Variants in FOXN3 observed in about 807,000 individuals in gnomAD.
FOXN3 encodes the protein forkhead box protein N3.
Under a neutral mutation model 38.4 loss-of-function variants are expected in FOXN3, and 7 were observed. The ratio of observed to expected loss-of-function variants is 0.18; its 90% confidence interval spans 0.10 to 0.34. The LOEUF is 0.34. Ranked by LOEUF, FOXN3 falls within the 10% of genes least tolerant of loss-of-function variation. The probability of loss-of-function intolerance (pLI) is 1.00; values close to 1 mark genes in which losing one functional copy is unlikely to be tolerated. For synonymous variants in FOXN3, 230 were observed against 242.2 expected, an observed-to-expected ratio of 0.95 and a Z score of 0.47; for missense variants, 456 against 613.4, an observed-to-expected ratio of 0.74 and a Z score of 2.71.
chr14:89,233,193 C>CG (rs1374546235), intron 4 of FOXN3, among the ~76,000 whole-genome samples: 1 of 152,188 alleles, frequency 6.6e-6, no homozygotes, highest in African/African-American at 2.4e-5. Context: ...TGCAATGCTG[C>CG]GACCATCATG....
At chr14:89,504,200 C>T (rs556827749) in intron 1 of FOXN3, among the ~76,000 whole-genome samples, 7 of 152,338 alleles carry the variant, frequency 4.6e-5, no homozygotes, top group Non-Finnish European at 8.8e-5. Context: ...AATCCACTCA[C>T]GTGCATTCAG....
chr14:89,599,039 A>T (rs1230871864), intron 1 of FOXN3, among the ~76,000 whole-genome samples: 1 of 152,080 alleles, frequency 6.6e-6, no homozygotes, highest in East Asian at 1.9e-4. Context: ...TTACACATAT[A>T]TTAGGCCTTT....
intron 3 of FOXN3, among the ~76,000 whole-genome samples, chr14:89,306,487 C>A (rs148379802): frequency 4.6e-4 from 70 of 152,274 alleles, no homozygotes; most frequent in East Asian, 3.5e-3. Flanking sequence ...CCTGCCTCAG[C>A]CTCTGAGTAG....
intron 1 of FOXN3, among the ~76,000 whole-genome samples, chr14:89,535,950 G>A (rs984852566): frequency 6.6e-6 from 1 of 152,162 alleles, no homozygotes; most frequent in African/African-American, 2.4e-5. Flanking sequence ...AGAATTAGTC[G>A]TATATTCTAC....
At chr14:89,575,611 G>C (rs1047369594) in intron 1 of FOXN3, among the ~76,000 whole-genome samples, 1 of 152,176 alleles carries the variant, frequency 6.6e-6, no homozygotes, top group Non-Finnish European at 1.5e-5. Flanking sequence ...CAGCATTTTG[G>C]AAGCAGAAGG....
chr14:89,313,596 G>GTACA (rs1555417112), intron 3 of FOXN3, among the ~76,000 whole-genome samples: 4 of 150,716 alleles, frequency 2.7e-5, no homozygotes, highest in Admixed American at 6.6e-5. Context: ...CGAAGTCCAT[G>GTACA]TATACTACTG....
intron 4 of FOXN3, among the ~76,000 whole-genome samples, chr14:89,205,293 A>T (rs2139824423): frequency 6.6e-6 from 1 of 152,046 alleles, no homozygotes; most frequent in South Asian, 2.1e-4. Context: ...GGCCTTTGGG[A>T]GGTGATGAGG....
intron 4 of FOXN3, chr14:89,230,815 C>T (rs1393441540): frequency 4.4e-6 from 2 of 451,464 alleles, no homozygotes; most frequent in Non-Finnish European, 8.9e-6. Context: ...TTCTGTAACC[C>T]TCCTTACAGT....
chr14:89,410,071 TC>T (rs892247159), intron 2 of FOXN3, among the ~76,000 whole-genome samples: 1 of 152,014 alleles, frequency 6.6e-6, no homozygotes, highest in Non-Finnish European at 1.5e-5. Context: ...ACATCTTTCC[TC>T]CCAGGCAACA....
At chr14:89,575,385 G>A (rs1423617559) in intron 1 of FOXN3, among the ~76,000 whole-genome samples, 1 of 152,164 alleles carries the variant, frequency 6.6e-6, no homozygotes, top group Non-Finnish European at 1.5e-5. Flanking sequence ...AGTAAACCCT[G>A]GCTGGGGTGG....
intron 1 of FOXN3, among the ~76,000 whole-genome samples, chr14:89,537,960 A>T (rs1029374688): frequency 1.2e-4 from 19 of 152,228 alleles, no homozygotes; most frequent in African/African-American, 4.6e-4. Flanking sequence ...TAACAATAAT[A>T]ATACCATACA....
chr14:89,230,749 TTAAA>T (rs1566934607), intron 4 of FOXN3: 5 of 385,124 alleles, frequency 1.3e-5, no homozygotes, highest in East Asian at 7.4e-5. Context: ...ACACTCTTTA[TTAAA>T]TAAATAGATA....
At chr14:89,549,429 T>C (rs1246204921) in intron 1 of FOXN3, among the ~76,000 whole-genome samples, 1 of 152,004 alleles carries the variant, frequency 6.6e-6, no homozygotes. Context: ...CCTTCAACAA[T>C]CCCAATTACA....
At chr14:89,195,949 G>A (rs1015222199) in intron 4 of FOXN3, among the ~76,000 whole-genome samples, 14 of 152,058 alleles carry the variant, frequency 9.2e-5, no homozygotes, top group Admixed American at 3.9e-4. Context: ...GTGCTGAATA[G>A]AGTTATGACC....
chr14:89,188,873 T>C (rs1887875159), intron 4 of FOXN3, among the ~76,000 whole-genome samples: 1 of 152,202 alleles, frequency 6.6e-6, no homozygotes, highest in Non-Finnish European at 1.5e-5. Flanking sequence ...AACATATACA[T>C]TTCTCTGAAA....
intron 1 of FOXN3, among the ~76,000 whole-genome samples, chr14:89,451,084 C>A (rs138671130): frequency 6.6e-6 from 1 of 152,126 alleles, no homozygotes; most frequent in Admixed American, 6.5e-5. Flanking sequence ...TGTCTCTCAG[C>A]GAGAAGTGAG....
At chr14:89,353,254 A>G (rs975561596) in intron 2 of FOXN3, 1 of 152,130 alleles carries the variant, frequency 6.6e-6, no homozygotes, top group South Asian at 2.1e-4. Flanking sequence ...AATATAAAAC[A>G]CCTTCAGTAG....
At chr14:89,225,120 T>C (rs1596114467) in intron 4 of FOXN3, among the ~76,000 whole-genome samples, 1 of 111,992 alleles carries the variant, frequency 8.9e-6, no homozygotes, top group African/African-American at 3.8e-5. Context: ...AGAGTGAGAC[T>C]CCATCTCAAA....
intron 3 of FOXN3, among the ~76,000 whole-genome samples, chr14:89,303,255 T>C (rs544886034): frequency 1.3e-5 from 2 of 152,100 alleles, no homozygotes; most frequent in South Asian, 4.2e-4. Flanking sequence ...CTCACTCCCT[T>C]GTTTTCTTTG....
Sources: gnomAD v4.1 joint callset for allele counts (sites outside exome capture counted in the v4.1 genomes callset) on GRCh38, gnomAD v4.1.1 for gene constraint, MANE v1.5 for transcripts, NCBI Gene and HGNC (gene_info 2026-07-23, HGNC 2026-07-21) for gene names.